Variants in KLB observed in about 807,000 individuals in gnomAD.
KLB encodes the protein beta-klotho.
Under a neutral mutation model 88.4 loss-of-function variants are expected in KLB, and 44 were observed. The ratio of observed to expected loss-of-function variants is 0.50; its 90% CI spans 0.39 to 0.64. The LOEUF is 0.64. KLB is among the 30% of genes least tolerant of loss of function. The pLI is 0.00. For missense variants in KLB, 1,137 were observed against 1,304.8 expected, an observed-to-expected ratio of 0.87 and a Z score of 1.98; for synonymous variants, 548 against 513.4, an observed-to-expected ratio of 1.07 and a Z score of -0.91.
intron 3 of KLB, among the ~76,000 whole-genome samples, chr4:39,440,553 T>G (rs1743576572): frequency 6.6e-6 from 1 of 152,200 alleles, no homozygotes; most frequent in Admixed American, 6.5e-5. Context: ...AGGTTATGAA[T>G]CTCAACCCCT....
Position 39,448,780 on chromosome 4 carries a change from A to C in KLB, c.*94A>C. The C allele has an allele frequency of 8.3e-7, 1 of 1,203,496 alleles. No homozygotes were observed. Among genetic ancestry groups the C allele is most frequent in the Non-Finnish European group, 1.2e-6 (1 of 861,996 alleles). 74.6% of individuals were successfully genotyped at this position (1,203,496 alleles called of 1,614,324 possible). ...GATATACCTGTATTATAGAAAGACAATCTGAGATACAGCTGTAACCAAGGT... is the reference window on the plus strand; with the variant it reads ...GATATACCTGTATTATAGAAAGACACTCTGAGATACAGCTGTAACCAAGGT... On this transcript the variant is annotated 3_prime_UTR_variant, in exon 5 of 5. Transcript: ENST00000257408.
chr4:39,434,457 C>A lies in KLB; in HGVS notation c.1073C>A (p.Ala358Glu). 1 of 1,614,178 alleles carries A rather than the reference C, an allele frequency of 6.2e-7. No homozygotes were observed. Among genetic ancestry groups the A allele is most frequent in the Non-Finnish European group, 8.5e-7 (1 of 1,180,034 alleles). ...LFSVLPIFSEAEKHEMRGTAD... is the reference protein window; with the variant it reads ...LFSVLPIFSEEEKHEMRGTAD... Reference sequence around the variant, plus strand: ...TCCGTTCTACCCATTTTCTCTGAAGCAGAGAAGCATGAGATGAGAGGCACA... The same window carrying A: ...TCCGTTCTACCCATTTTCTCTGAAGAAGAGAAGCATGAGATGAGAGGCACA... Residue 358 changes from alanine (A) to glutamate (E), a missense_variant, in exon 2 of 5, where the codon GCA becomes GAA. By Grantham distance (107) the Ala-to-Glu change is moderately radical (BLOSUM62 -1). Transcript: ENST00000257408.
At chr4:39,445,684 G>GTTTTTTTTTT in intron 3 of KLB, among the ~76,000 whole-genome samples, 1 of 94,960 alleles carries the variant, frequency 1.1e-5, no homozygotes, top group Non-Finnish European at 2.3e-5. Flanking sequence ...TTGTTTTTTT[G>GTTTTTTTTTT]TTTTTTTTTT....
rs775037927 is a variant in KLB at position 39,446,413 on chromosome 4, C to A, written c.1687C>A (p.Arg563=). The A allele has an allele frequency of 6.2e-7, 1 of 1,614,110 alleles. No individual in the cohort carries two copies. Among genetic ancestry groups the A allele is most frequent in the East Asian group, 2.2e-5 (1 of 44,886 alleles). ...WNATGNRLLH[R]VEGVRLKTRP... ...CGCCACTGGCAACAGACTGTTGCAC[C>A]GAGTGGAAGGGGTGAGGCTGAAAAC... is the stretch of plus-strand genomic sequence containing the variant. The change falls in exon 4 of 5, where the codon CGA becomes AGA. Residue 563 remains arginine (R), a synonymous_variant. Coordinates refer to ENST00000257408, the MANE Select transcript of KLB (RefSeq NM_175737.4). The surrounding 1 kb of genome is among the most constrained non-coding windows in gnomAD (Gnocchi z 6.4).
At chr4:39,444,632 T>A (rs534202572) in intron 3 of KLB, among the ~76,000 whole-genome samples, 1 of 152,328 alleles carries the variant, frequency 6.6e-6, no homozygotes, top group East Asian at 1.9e-4. Flanking sequence ...TTCTGAAGGT[T>A]TTTAACGTAA....
chr4:39,418,349 C>T (rs149632763), intron 1 of KLB, among the ~76,000 whole-genome samples: 1,800 of 152,170 alleles, frequency 0.012, 40 homozygotes, highest in African/African-American at 0.041. Flanking sequence ...AAGCGATTCT[C>T]CTGCCTCAGC....
In KLB at chr4:39,408,021, T is replaced by G. The variant is rs148414990; in HGVS notation, c.825+247T>G. ...GAGGCTATTTTTAAATCTACCATTA[T>G]ACACTACAGTGTGAATATATGAGCT... On this transcript the variant is annotated intron_variant, in intron 1 of 4. Transcript: ENST00000257408. 1.7e-3 allele frequency among the ~76,000 whole-genome samples: 259 copies of G among 152,348 alleles called. 1 individual carries two copies. Among genetic ancestry groups the G allele is most frequent in the African/African-American group, 6.0e-3 (248 of 41,588 alleles).
intron 1 of KLB, among the ~76,000 whole-genome samples, chr4:39,419,879 G>A (rs1370819840): frequency 7.0e-6 from 1 of 143,810 alleles, no homozygotes; most frequent in African/African-American, 2.6e-5. Context: ...GGGAGGCGGA[G>A]GTTGCAGTGA....
Position 39,407,450 on chromosome 4 carries a change from C to T in KLB, c.501C>T (p.Ala167=). 6.2e-7 allele frequency: 1 copy of T among 1,614,120 alleles called. No homozygotes were observed. Among genetic ancestry groups the T allele is most frequent in the East Asian group, 2.2e-5 (1 of 44,890 alleles). ...TCCCCGATGGAATAGTAACAGTTGC[C>T]AACGCAAAAGGTCTGCAGTACTACA... ...RLFPDGIVTV[A]NAKGLQYYST... is the part of the protein sequence containing the mutation. The change falls in exon 1 of 5, where the codon GCC becomes GCT. Residue 167 remains alanine, a synonymous_variant. Coordinates refer to ENST00000257408, the MANE Select transcript of KLB (RefSeq NM_175737.4).
intron 1 of KLB, among the ~76,000 whole-genome samples, chr4:39,414,898 T>C (rs532978796): frequency 6.6e-6 from 1 of 151,080 alleles, no homozygotes; most frequent in Non-Finnish European, 1.5e-5. Flanking sequence ...AAAGCAAAAT[T>C]CAACTATTCA....
chr4:39,433,663 C>G (rs1169422907), intron 1 of KLB, among the ~76,000 whole-genome samples: 1 of 152,066 alleles, frequency 6.6e-6, no homozygotes, highest in East Asian at 1.9e-4. Flanking sequence ...AGTTCCAGAC[C>G]AGCCTGACCA....
In KLB at chr4:39,434,609, A is replaced by C; in HGVS notation, c.1225A>C (p.Asn409His). 1 of 1,614,136 alleles carries C rather than the reference A, an allele frequency of 6.2e-7. No homozygotes were observed. Among genetic ancestry groups the C allele is most frequent in the Non-Finnish European group, 8.5e-7 (1 of 1,180,006 alleles). Residue 409 changes from asparagine (N) to histidine (H), a missense_variant, in exon 2 of 5, where the codon AAC (asparagine) becomes CAC (histidine). Physicochemically the swap from Asn to His is moderately conservative, Grantham distance 68. This residue lies in a region of KLB where 597 missense variants were observed against 765.2 expected (regional missense o/e 0.78). Coordinates refer to ENST00000257408, the MANE Select transcript of KLB (RefSeq NM_175737.4). ...ALNWIKLEYN[N>H]PRILIAENGW... ...GAACTGGATTAAACTGGAATACAAC[A>C]ACCCTCGAATCTTGATTGCTGAGAA...
chr4:39,431,394 G>A (rs1015895261), intron 1 of KLB, among the ~76,000 whole-genome samples: 4 of 152,166 alleles, frequency 2.6e-5, no homozygotes, highest in African/African-American at 9.7e-5. Flanking sequence ...TGGGATTATA[G>A]GCATGCGCCA....
At position 39,448,443 on chromosome 4, in the gene KLB, C is replaced by G. The variant is rs1296546694; in HGVS notation, c.2892C>G (p.Ser964Arg). 6.2e-7 allele frequency: 1 copy of G among 1,614,010 alleles called. No individual in the cohort carries two copies. Among genetic ancestry groups the G allele is most frequent in the African/African-American group, 1.3e-5 (1 of 74,934 alleles). The part of the protein sequence containing the change: ...SIQFYNKVIS[S>R]RGFPFENSSS... ...AATTTTACAACAAAGTGATCAGCAG[C>G]AGGGGCTTCCCTTTTGAGAACAGTA... is the stretch of plus-strand genomic sequence containing the variant. Residue 964 changes from serine (S) to arginine (R), a missense_variant, in exon 5 of 5, where the codon AGC (serine) becomes AGG (arginine). Around this residue, in one of 4 missense-constraint regions of KLB, gnomAD observed 426 missense variants for 404.6 expected, o/e 1.05. Transcript: ENST00000257408.
At chr4:39,415,872 G>C (rs974182191) in intron 1 of KLB, among the ~76,000 whole-genome samples, 6 of 152,058 alleles carry the variant, frequency 3.9e-5, no homozygotes, top group South Asian at 2.1e-4. Flanking sequence ...CTAGGTCAAG[G>C]CCTCACCAAC....
In KLB at chr4:39,413,726, G is replaced by GA. The variant is rs200454222; in HGVS notation, c.825+5964dup. Among the ~76,000 whole-genome samples the GA allele has an allele frequency of 2.9e-3, 397 of 138,750 alleles. 2 individuals carry two copies. Among genetic ancestry groups the GA allele is most frequent in the Middle Eastern group, 3.7e-3 (1 of 272 alleles). 91.0% of individuals were successfully genotyped at this position (138,750 alleles called of 152,430 possible). On this transcript the variant is annotated intron_variant, in intron 1 of 4. Transcript: ENST00000257408. ...GTGACACAGCAAAAACCTGTCTCAG[G>GA]AAAAAAAAAAAATAAATAAAATAAA...
chr4:39,437,164 T>A (rs1743489305), intron 2 of KLB, among the ~76,000 whole-genome samples: 1 of 152,242 alleles, frequency 6.6e-6, no homozygotes, highest in Admixed American at 6.5e-5. Context: ...GCATGCTCCC[T>A]GGAGCATAGC....
chr4:39,446,335 G>C lies in KLB; in HGVS notation c.1609G>C (p.Glu537Gln). Residue 537 changes from glutamate to glutamine, a missense_variant, in exon 4 of 5, where the codon GAG (glutamate) becomes CAG (glutamine). Transcript: ENST00000257408. This position sits in a 1 kb window ranked among gnomAD's most constrained non-coding sequence, Gnocchi z 6.4. Reference protein sequence around the residue: ...WGVTESVLKPESVASSPQFSD... With the variant: ...WGVTESVLKPQSVASSPQFSD... ...TAAATGAGCTTGTTTTTCACAGCCC[G>C]AGTCTGTGGCTTCGTCCCCACAGTT... 1 of 1,612,560 alleles carries C rather than the reference G, an allele frequency of 6.2e-7. No individual in the cohort carries two copies. Among genetic ancestry groups the C allele is most frequent in the South Asian group, 1.1e-5 (1 of 91,020 alleles).
intron 1 of KLB, among the ~76,000 whole-genome samples, chr4:39,415,430 G>T (rs761817831): frequency 6.6e-6 from 1 of 152,058 alleles, no homozygotes; most frequent in Non-Finnish European, 1.5e-5. Flanking sequence ...GGAGTTCGAG[G>T]CTGCAGTGAG....
Sources: gnomAD v4.1 joint callset for allele counts (sites outside exome capture counted in the v4.1 genomes callset) on GRCh38, gnomAD v4.1.1 for gene constraint, gnomAD v4.1.1 regional missense constraint, Gnocchi (gnomAD v3.1) non-coding constraint, MANE v1.5 for transcripts, NCBI Gene and HGNC (gene_info 2026-07-23, HGNC 2026-07-21) for gene names.